MEIOSIN: variants seen among roughly 807,000 people sequenced by gnomAD.
MEIOSIN encodes meiosis initiator.
A neutral mutation model predicts 23.4 loss-of-function variants in MEIOSIN; 18 were observed. The observed-to-expected ratio is 0.77, with a 90% confidence interval of 0.53 to 1.14. The LOEUF (loss-of-function observed/expected upper bound fraction) is 1.14, where lower values mean the gene tolerates loss of function less well. Among genes scored for constraint, MEIOSIN ranks in the 50% most tolerant of loss-of-function variants. The probability of loss-of-function intolerance (pLI) is 0.00; values close to 1 mark genes in which losing one functional copy is unlikely to be tolerated. For missense variants in MEIOSIN, 428 were observed against 242.9 expected (o/e 1.76, Z -5.07); for synonymous variants, 187 against 100.6 (o/e 1.86, Z -5.14).
rs1159817911 is a variant in MEIOSIN at position 45,759,446 on chromosome 19, G to A, written c.1201G>A (p.Glu401Lys). ...AFFEEVCLDL[E>K]SSPSAYTQEA... is the part of the protein sequence containing the mutation. ...CTTTGAAGAAGTGTGCTTAGATCTG[G>A]AGTCTTCACCTTCAGCCTACACGCA... The change falls in exon 11 of 15, where the codon GAG (glutamate) becomes AAG (lysine). Residue 401 changes from glutamate to lysine, a missense_variant. Transcript: ENST00000457052. 1 of 703,268 alleles carries A rather than the reference G, an allele frequency of 1.4e-6. No individual in the cohort carries two copies. Among genetic ancestry groups the A allele is most frequent in the Non-Finnish European group, 2.6e-6 (1 of 385,060 alleles). The allele number at this position is 703,268 out of a possible 1,614,324, so 43.6% of individuals were successfully genotyped here. A position where few individuals can be genotyped will look rare whatever the true frequency, so the allele number is the denominator to read the frequency against.
intron 9 of MEIOSIN, among the ~76,000 whole-genome samples, chr19:45,758,283 C>G (rs147897051): frequency 2.5e-4 from 38 of 152,166 alleles, no homozygotes; most frequent in African/African-American, 8.4e-4. Flanking sequence ...CGTGAGCCCC[C>G]GCATCTGACC....
At chr19:45,736,567 C>T (rs989006512) in intron 2 of MEIOSIN, among the ~76,000 whole-genome samples, 4 of 151,570 alleles carry the variant, frequency 2.6e-5, no homozygotes, top group Admixed American at 6.6e-5. Context: ...CAGGGTCTCA[C>T]TGTGTTGGCC....
In MEIOSIN at chr19:45,738,229, C is replaced by G. The variant is rs1968440859; in HGVS notation, c.72-1397C>G. Among the ~76,000 whole-genome samples, 3 of 152,202 alleles carry G rather than the reference C, an allele frequency of 2.0e-5. No individual in the cohort carries two copies. The South Asian group carries it at 6.2e-4, about 31-fold the overall frequency. On this transcript the variant is annotated intron_variant, in intron 2 of 14. Coordinates refer to ENST00000457052, the MANE Select transcript of MEIOSIN (RefSeq NM_001310124.2). ...GTTCATATTAACCCCTACCATCTCC[C>G]CCAGTGACTTTCCATCCAACTATCT...
In MEIOSIN at chr19:45,764,379, TGAA is replaced by T; in HGVS notation, c.*263_*265del. On this transcript the variant is annotated 3_prime_UTR_variant, in exon 15 of 15. Transcript: ENST00000457052. ...AAATGAAATGCGGGGTGTCGGAAGG[TGAA>T]GTTTACCCACCCCTCTCCCCTTCCC... The T allele has an allele frequency of 2.7e-6, 1 of 366,658 alleles. No individual in the cohort carries two copies. The highest frequency in any genetic ancestry group is 4.9e-6 in the Non-Finnish European group (1 of 205,824). 22.7% of individuals were successfully genotyped at this position (366,658 alleles called of 1,614,324 possible).
chr19:45,739,848 TCTTC>T, intron 3 of MEIOSIN, 118 bp downstream of exon 3: 1 of 619,356 alleles, frequency 1.6e-6, no homozygotes, highest in Non-Finnish European at 2.9e-6. Context: ...ATGCTTTCTT[TCTTC>T]CTTTTTTTTT....
chr19:45,751,877 C>T (rs1425591931), intron 5 of MEIOSIN, among the ~76,000 whole-genome samples: 1 of 151,544 alleles, frequency 6.6e-6, no homozygotes, highest in African/African-American at 2.4e-5. Flanking sequence ...ATTACAGGCA[C>T]TCACCACCAC....
At chr19:45,745,420 A>G (rs1196174801) in intron 4 of MEIOSIN, 99 bp downstream of exon 4, 4 of 622,976 alleles carry the variant, frequency 6.4e-6, no homozygotes, top group Admixed American at 2.7e-5. Flanking sequence ...AGATCCTTTC[A>G]GTGGCAGCAT....
At chr19:45,759,526 C>T (rs757935930) in intron 11 of MEIOSIN, 36 bp downstream of exon 11, 1 of 702,048 alleles carries the variant, frequency 1.4e-6, no homozygotes, top group South Asian at 1.5e-5. Flanking sequence ...ACAGACACAT[C>T]CATCCGTCTT....
At position 45,758,440 on chromosome 19, in the gene MEIOSIN, T is replaced by A. The variant is rs535962101; in HGVS notation, c.1013-438T>A. Among the ~76,000 whole-genome samples the A allele has an allele frequency of 2.6e-5, 4 of 152,006 alleles. No homozygotes were observed. The South Asian group carries it at 6.3e-4, about 24-fold the overall frequency. On this transcript the variant is annotated intron_variant, in intron 9 of 14. Coordinates refer to ENST00000457052, the MANE Select transcript of MEIOSIN (RefSeq NM_001310124.2). ...GCTTCATTTCTTCTTCTTTTTTTTT[T>A]AAATTTTGAGACAGGGTCTCACTCT...
intron 9 of MEIOSIN, among the ~76,000 whole-genome samples, chr19:45,758,151 G>A (rs1015057481): frequency 2.0e-5 from 3 of 151,840 alleles, no homozygotes; most frequent in East Asian, 1.9e-4. Flanking sequence ...GCACCACCAC[G>A]CCTAGCAAAT....
At chr19:45,755,297 G>A (rs1220803670) in intron 7 of MEIOSIN, among the ~76,000 whole-genome samples, 2 of 150,868 alleles carry the variant, frequency 1.3e-5, no homozygotes, top group Admixed American at 6.6e-5. Context: ...TTACAGGCGC[G>A]CACCACCACG....
intron 3 of MEIOSIN, among the ~76,000 whole-genome samples, chr19:45,741,216 G>C (rs898009282): frequency 9.2e-5 from 14 of 151,960 alleles, no homozygotes; most frequent in African/African-American, 3.4e-4. Flanking sequence ...GCATGGTGGC[G>C]GGCACCTGCA....
intron 3 of MEIOSIN, among the ~76,000 whole-genome samples, chr19:45,740,055 G>A (rs1968476012): frequency 6.6e-6 from 1 of 152,108 alleles, no homozygotes; most frequent in Non-Finnish European, 1.5e-5. Flanking sequence ...CACCATGTTA[G>A]TCAGGCTGGT....
At chr19:45,757,482 C>G (rs1015624618) in intron 9 of MEIOSIN, among the ~76,000 whole-genome samples, 1 of 152,216 alleles carries the variant, frequency 6.6e-6, no homozygotes, top group African/African-American at 2.4e-5. Context: ...TTTCCTTGAG[C>G]CCAGACATGG....
At chr19:45,744,915 G>C (rs775524445) in intron 3 of MEIOSIN, among the ~76,000 whole-genome samples, 1 of 152,176 alleles carries the variant, frequency 6.6e-6, no homozygotes, top group Non-Finnish European at 1.5e-5. Context: ...CCAAATGGCA[G>C]GGTTGAGTGA....
chr19:45,744,771 C>T (rs996840649), intron 3 of MEIOSIN, among the ~76,000 whole-genome samples: 2 of 152,256 alleles, frequency 1.3e-5, no homozygotes, highest in Non-Finnish European at 2.9e-5. Context: ...CTGCACCCAC[C>T]CCACATTAGG....
chr19:45,748,894 C>A (rs1054778669), intron 4 of MEIOSIN, among the ~76,000 whole-genome samples: 1 of 151,030 alleles, frequency 6.6e-6, no homozygotes, highest in Non-Finnish European at 1.5e-5. Flanking sequence ...CATGGTGAAA[C>A]CTTGTCTCTA....
At chr19:45,743,387 A>ATATT (rs758338351) in intron 3 of MEIOSIN, among the ~76,000 whole-genome samples, 10 of 152,082 alleles carry the variant, frequency 6.6e-5, no homozygotes, top group Admixed American at 6.6e-5. Flanking sequence ...TGATATATAT[A>ATATT]TATTTATTTA....
chr19:45,761,628 A>T, intron 11 of MEIOSIN, 51 bp from the exon 12 acceptor site: 1 of 683,760 alleles, frequency 1.5e-6, no homozygotes, highest in South Asian at 1.5e-5. Flanking sequence ...TGGGGGGATG[A>T]AGGGGCACCA....
Sources: gnomAD v4.1 joint callset for allele counts (sites outside exome capture counted in the v4.1 genomes callset) on GRCh38, gnomAD v4.1.1 for gene constraint, MANE v1.5 for transcripts, NCBI Gene and HGNC (gene_info 2026-07-23, HGNC 2026-07-21) for gene names.